GRIP1: variants seen among roughly 807,000 people sequenced by gnomAD.
The protein encoded by GRIP1 is glutamate receptor-interacting protein 1.
A neutral mutation model predicts 129.9 loss-of-function variants in GRIP1; 45 were observed. The observed-to-expected ratio is 0.35, with a 90% CI of 0.27 to 0.44. The LOEUF (loss-of-function observed/expected upper bound fraction) is 0.44, where lower values mean the gene tolerates loss of function less well. GRIP1 is among the 20% of genes least tolerant of loss of function. The probability of loss-of-function intolerance (pLI) is 1.00; values close to 1 mark genes in which losing one functional copy is unlikely to be tolerated. For synonymous variants in GRIP1, 530 were observed against 520.8 expected (o/e 1.02, Z -0.24); for missense variants, 1,196 against 1,396.8 (o/e 0.86, Z 2.29).
At chr12:67,046,016 T>C (rs2043247937) in intron 1 of GRIP1, among the ~76,000 whole-genome samples, 1 of 152,134 alleles carries the variant, frequency 6.6e-6, no homozygotes, top group Non-Finnish European at 1.5e-5. Context: ...CTGAAGCACA[T>C]CATCAAAGTA....
At chr12:66,366,321 A>G (rs2137231380) in intron 23 of GRIP1, among the ~76,000 whole-genome samples, 1 of 152,340 alleles carries the variant, frequency 6.6e-6, no homozygotes, top group Non-Finnish European at 1.5e-5. Context: ...ATTGCAAAAG[A>G]AGCTGGTATT....
intron 1 of GRIP1, among the ~76,000 whole-genome samples, chr12:66,914,071 T>C (rs1225955402): frequency 6.6e-6 from 1 of 152,196 alleles, no homozygotes; most frequent in Non-Finnish European, 1.5e-5. Flanking sequence ...CAATGAGGAA[T>C]GCTCTACAGA....
intron 13 of GRIP1, among the ~76,000 whole-genome samples, chr12:66,441,756 C>CA (rs2058477430): frequency 6.6e-6 from 1 of 152,156 alleles, no homozygotes; most frequent in Non-Finnish European, 1.5e-5. Flanking sequence ...CTAGTATTAG[C>CA]AGTGGATTTG....
intron 2 of GRIP1, among the ~76,000 whole-genome samples, chr12:66,586,482 T>C (rs186517252): frequency 4.6e-5 from 7 of 152,238 alleles, no homozygotes; most frequent in African/African-American, 1.4e-4. Flanking sequence ...AATCTATCTG[T>C]GCCACCTAGA....
At chr12:66,450,773 T>C (rs1263907603) in intron 11 of GRIP1, among the ~76,000 whole-genome samples, 1 of 152,142 alleles carries the variant, frequency 6.6e-6, no homozygotes, top group African/African-American at 2.4e-5. Context: ...TATAAAAGTT[T>C]TGAAAACTAT....
At chr12:66,713,988 TTG>T (rs1297295443) in intron 1 of GRIP1, among the ~76,000 whole-genome samples, 2 of 152,042 alleles carry the variant, frequency 1.3e-5, no homozygotes, top group Non-Finnish European at 2.9e-5. Flanking sequence ...ATTCACCCTA[TTG>T]CTCACTCTGT....
chr12:66,804,336 C>T (rs773242486), upstream of GRIP1: 3 of 216,250 alleles, frequency 1.4e-5, no homozygotes, highest in Admixed American at 4.9e-5. Flanking sequence ...ATCAACACGG[C>T]GACTTTGGCC....
chr12:66,614,346 C>T (rs1275611401), intron 1 of GRIP1, among the ~76,000 whole-genome samples: 2 of 151,928 alleles, frequency 1.3e-5, no homozygotes, highest in African/African-American at 2.4e-5. Flanking sequence ...CCAAACAGAA[C>T]TATTGATTTC....
At chr12:66,660,614 T>TACAAAAA (rs2033438948) in intron 1 of GRIP1, among the ~76,000 whole-genome samples, 1 of 152,152 alleles carries the variant, frequency 6.6e-6, no homozygotes, top group South Asian at 2.1e-4. Context: ...ACAAAGCAAT[T>TACAAAAA]TCACATACAC....
chr12:66,822,173 C>T (rs781681712), intron 1 of GRIP1, among the ~76,000 whole-genome samples: 28 of 152,212 alleles, frequency 1.8e-4, no homozygotes, highest in East Asian at 3.8e-4. Context: ...TTGCAACACA[C>T]GTAGAAGCAG....
At chr12:66,846,843 CT>C (rs1435783564) in intron 1 of GRIP1, among the ~76,000 whole-genome samples, 1 of 152,134 alleles carries the variant, frequency 6.6e-6, no homozygotes, top group East Asian at 1.9e-4. Flanking sequence ...GAGGGGGGAC[CT>C]GTAGGCAGGA....
chr12:66,580,608 C>A, intron 2 of GRIP1, among the ~76,000 whole-genome samples: 1 of 147,498 alleles, frequency 6.8e-6, no homozygotes, highest in East Asian at 2.0e-4. Context: ...GGTTGCAATC[C>A]TAGTCTCTGA....
At chr12:66,614,799 T>C (rs7978501) in intron 1 of GRIP1, among the ~76,000 whole-genome samples, 58,310 of 151,862 alleles carry the variant, frequency 0.38, 11,461 homozygotes, top group Middle Eastern at 0.43. Flanking sequence ...CATTCACTGC[T>C]TTCCTCCCAC....
chr12:66,460,676 T>C (rs902138598), intron 9 of GRIP1, among the ~76,000 whole-genome samples: 1 of 152,190 alleles, frequency 6.6e-6, no homozygotes, highest in Non-Finnish European at 1.5e-5. Flanking sequence ...AACTCTGTGG[T>C]ATATGCTTTA....
chr12:66,932,783 C>T, intron 1 of GRIP1, among the ~76,000 whole-genome samples: 1 of 152,106 alleles, frequency 6.6e-6, no homozygotes, highest in Non-Finnish European at 1.5e-5. Context: ...ATTCTCCTGC[C>T]TCAGCCTCCC....
In GRIP1 at chr12:67,057,535, A is replaced by G. The variant is rs140447924; in HGVS notation, c.58+11515T>C. Among the ~76,000 whole-genome samples, 4 of 151,858 alleles carry G rather than the reference A, an allele frequency of 2.6e-5. No individual in the cohort carries two copies. The East Asian group carries it at 7.7e-4, about 29-fold the overall frequency. On this transcript the variant is annotated intron_variant, in intron 1 of 1. Coordinates refer to the GRIP1 transcript ENST00000643019. Reference sequence around the variant, plus strand: ...CACTGCCCTTCCTTCTTTTTCCAGTATGATCATTAGGGTCTGGGAGGGTAA... The same window carrying G: ...CACTGCCCTTCCTTCTTTTTCCAGTGTGATCATTAGGGTCTGGGAGGGTAA...
intron 1 of GRIP1, among the ~76,000 whole-genome samples, chr12:66,762,741 G>A (rs922817931): frequency 6.6e-6 from 1 of 152,156 alleles, no homozygotes; most frequent in African/African-American, 2.4e-5. Context: ...TTTATTTAAA[G>A]GAGACAGACA....
At chr12:66,683,389 G>A (rs1052175666), upstream of GRIP1, among the ~76,000 whole-genome samples, 3 of 152,094 alleles carry the variant, frequency 2.0e-5, no homozygotes, top group African/African-American at 7.2e-5. Flanking sequence ...GTAATGAGCT[G>A]TCATGAAGGA....
intron 1 of GRIP1, among the ~76,000 whole-genome samples, chr12:67,013,287 A>G (rs1396503113): frequency 6.6e-6 from 1 of 152,200 alleles, no homozygotes; most frequent in Non-Finnish European, 1.5e-5. Context: ...CAGAGCTATG[A>G]GATTACAAAT....
Sources: gnomAD v4.1 joint callset for allele counts (sites outside exome capture counted in the v4.1 genomes callset) on GRCh38, gnomAD v4.1.1 for gene constraint, MANE v1.5 for transcripts, NCBI Gene and HGNC (gene_info 2026-07-23, HGNC 2026-07-21) for gene names.